The following LMNA variants were observed in gnomAD, a reference collection of about 807,000 sequenced individuals.
LMNA encodes lamin A/C, also known as lamin.
LMNA carries 20 observed loss-of-function variants against 70.4 expected under a neutral mutation model. The ratio of observed to expected loss-of-function variants is 0.28; its 90% CI spans 0.20 to 0.41. The LOEUF is 0.41. Ranked by LOEUF, LMNA falls within the 10% of genes least tolerant of loss-of-function variation. The pLI is 1.00. For missense variants in LMNA, 652 were observed against 917.2 expected (o/e 0.71, Z 3.73); for synonymous variants, 339 against 372.8 (o/e 0.91, Z 1.04).
At position 156,134,685 on chromosome 1, in the gene LMNA, A is replaced by G; in HGVS notation, c.640-120A>G. 3 of 1,547,568 alleles carry G rather than the reference A, an allele frequency of 1.9e-6. No individual in the cohort carries two copies. Among genetic ancestry groups the G allele is most frequent in the East Asian group, 2.2e-5 (1 of 44,532 alleles). ...GTGGCCAGCACTCAGCTCCCAGGTT[A>G]AAGTGGGGCTGGTAGTGGCTCATGG... On this transcript the variant is annotated intron_variant, in intron 3 of 11. Transcript: ENST00000368300. This position sits in a 1 kb window ranked among gnomAD's most constrained non-coding sequence, Gnocchi z 5.3.
At chr1:156,108,280 G>A (rs1258610229) in intron 3 of LMNA, among the ~76,000 whole-genome samples, 1 of 152,090 alleles carries the variant, frequency 6.6e-6, no homozygotes, top group Non-Finnish European at 1.5e-5. Context: ...TTAATACCCT[G>A]TAGTCAAAGG....
At chr1:156,085,273 T>C (rs1159983243) in intron 2 of LMNA, among the ~76,000 whole-genome samples, 1 of 152,188 alleles carries the variant, frequency 6.6e-6, no homozygotes, top group East Asian at 1.9e-4. Flanking sequence ...AGGAGCTGGA[T>C]TCTCAGAGTG....
At chr1:156,118,860 G>A (rs1650008842) in intron 1 of LMNA, among the ~76,000 whole-genome samples, 1 of 152,152 alleles carries the variant, frequency 6.6e-6, no homozygotes, top group Non-Finnish European at 1.5e-5. Flanking sequence ...CCCAGCCTGG[G>A]TACCTCAACC....
intron 3 of LMNA, among the ~76,000 whole-genome samples, chr1:156,092,958 G>A (rs1648766607): frequency 6.7e-6 from 1 of 148,870 alleles, no homozygotes; most frequent in South Asian, 2.1e-4. Context: ...GTGCGATCTC[G>A]GCTCACTGCA....
intron 2 of LMNA, among the ~76,000 whole-genome samples, chr1:156,089,347 A>G (rs1001409618): frequency 1.3e-5 from 2 of 151,654 alleles, no homozygotes; most frequent in Non-Finnish European, 2.9e-5. Context: ...TCAGGCTGGA[A>G]TGCAGTGGTG....
At chr1:156,104,391 C>T (rs1190950172) in intron 3 of LMNA, among the ~76,000 whole-genome samples, 6 of 152,172 alleles carry the variant, frequency 3.9e-5, no homozygotes, top group South Asian at 2.1e-4. Flanking sequence ...GGAGCACTGG[C>T]GTCAGCCGAG....
At chr1:156,122,120 A>C (rs1650231654) in intron 1 of LMNA, among the ~76,000 whole-genome samples, 2 of 152,096 alleles carry the variant, frequency 1.3e-5, no homozygotes, top group Non-Finnish European at 2.9e-5. Flanking sequence ...AATAATACTA[A>C]TAATAAATAA....
chr1:156,118,586 T>G (rs1442930027), intron 1 of LMNA, among the ~76,000 whole-genome samples: 2 of 152,160 alleles, frequency 1.3e-5, no homozygotes, highest in Non-Finnish European at 2.9e-5. Context: ...GGACTCAGAC[T>G]GGGGTGTCTG....
At chr1:156,096,549 A>C (rs1364438144) in intron 3 of LMNA, among the ~76,000 whole-genome samples, 1 of 152,266 alleles carries the variant, frequency 6.6e-6, no homozygotes, top group African/African-American at 2.4e-5. Flanking sequence ...AGACCGGGTT[A>C]GGTGCCGGGT....
intron 1 of LMNA, among the ~76,000 whole-genome samples, chr1:156,118,103 C>A (rs965453142): frequency 6.6e-6 from 1 of 151,256 alleles, no homozygotes; most frequent in Non-Finnish European, 1.5e-5. Flanking sequence ...GGATTACAGG[C>A]ATAAGCCACC....
At position 156,139,303 on chromosome 1, in the gene LMNA, C is replaced by CAAA. The variant is rs200317083; in HGVS notation, c.*209_*211dup. The CAAA allele has an allele frequency of 3.1e-6, 4 of 1,272,114 alleles. No homozygotes were observed. Among genetic ancestry groups the CAAA allele is most frequent in the African/African-American group, 3.3e-5 (2 of 60,720 alleles). 78.8% of individuals were successfully genotyped at this position (1,272,114 alleles called of 1,614,324 possible). A position where few individuals can be genotyped will look rare whatever the true frequency, so the allele number is the denominator to read the frequency against. On this transcript the variant is annotated 3_prime_UTR_variant, in exon 12 of 12. Transcript: ENST00000368300. Reference sequence around the variant, plus strand: ...TTTTATACTGAAGGAAAAACACAAGCAAAAAAAAAAAAAAGCATCTATCTC... The same window carrying CAAA: ...TTTTATACTGAAGGAAAAACACAAGCAAAAAAAAAAAAAAAAAGCATCTATCTC...
intron 2 of LMNA, among the ~76,000 whole-genome samples, chr1:156,131,139 C>T (rs1042638253): frequency 2.0e-5 from 3 of 152,060 alleles, no homozygotes; most frequent in Non-Finnish European, 4.4e-5. Flanking sequence ...GGCATGGTGG[C>T]GGGCGCCTGT....
upstream of LMNA, among the ~76,000 whole-genome samples, chr1:156,109,985 C>G (rs1468374052): frequency 6.6e-6 from 1 of 151,938 alleles, no homozygotes; most frequent in Non-Finnish European, 1.5e-5. Flanking sequence ...GTAGCTGGGA[C>G]TAGAGGCATG....
At position 156,137,905 on chromosome 1, in the gene LMNA, C is replaced by G; in HGVS notation, c.1698+162C>G. On this transcript the variant is annotated intron_variant, in intron 10 of 11. Coordinates refer to ENST00000368300, the MANE Select transcript of LMNA (RefSeq NM_170707.4). The surrounding 1 kb of genome is among the most constrained non-coding windows in gnomAD (Gnocchi z 4.6). ...CCTTTCTTCTCTCTCCTCCCTATAC[C>G]TTGAACAGGGAACCCAGGTGTCTGG... 2.8e-6 allele frequency: 4 copies of G among 1,438,408 alleles called. No individual in the cohort carries two copies. The highest frequency in any genetic ancestry group is 2.5e-5 in the East Asian group (1 of 40,224). The allele number at this position is 1,438,408 out of a possible 1,614,324, so 89.1% of individuals were successfully genotyped here.
At chr1:156,122,410 T>C (rs954689073) in intron 1 of LMNA, among the ~76,000 whole-genome samples, 2 of 152,188 alleles carry the variant, frequency 1.3e-5, no homozygotes, top group Non-Finnish European at 2.9e-5. Context: ...TAAAATCAAA[T>C]ATAAATAATG....
At chr1:156,114,227 G>T (rs1422044389), upstream of LMNA, among the ~76,000 whole-genome samples, 1 of 152,194 alleles carries the variant, frequency 6.6e-6, no homozygotes, top group Non-Finnish European at 1.5e-5. Flanking sequence ...GTGGAGGGGG[G>T]TTGGGGTGAC....
At chr1:156,112,921 C>A (rs796104271), upstream of LMNA, among the ~76,000 whole-genome samples, 1 of 152,106 alleles carries the variant, frequency 6.6e-6, no homozygotes, top group Non-Finnish European at 1.5e-5. Context: ...GGTTGCTCAT[C>A]GGAGGATAAG....
Position 156,103,928 on chromosome 1 carries a change from G to A in LMNA, c.-206-10785G>A, listed in dbSNP as rs989955970. On this transcript the variant is annotated intron_variant, in intron 3 of 12. Transcript: ENST00000368301. This position sits in a 1 kb window ranked among gnomAD's most constrained non-coding sequence, Gnocchi z 4.7. The stretch of plus-strand genomic sequence containing the variant: ...AGTGGAGTCACTCCTTTCCTTCCCC[G>A]AACCCGGCCTCAGTTCCTGGGACAT... Among the ~76,000 whole-genome samples, 13 of 152,058 alleles carry A rather than the reference G, an allele frequency of 8.5e-5. No individual in the cohort carries two copies. The highest frequency in any genetic ancestry group is 2.6e-4 in the Admixed American group (4 of 15,282).
Position 156,137,152 on chromosome 1 carries a change from A to G in LMNA, c.1528A>G (p.Thr510Ala). 1 of 1,613,058 alleles carries G rather than the reference A, an allele frequency of 6.2e-7. No individual in the cohort carries two copies. The highest frequency in any genetic ancestry group is 1.6e-4 in the Middle Eastern group (1 of 6,062). Residue 510 changes from threonine (T) to alanine (A), a missense_variant, in exon 9 of 12, where the codon ACC becomes GCC. Around this residue, in one of 4 missense-constraint regions of LMNA, gnomAD observed 327 missense variants for 387.6 expected, o/e 0.84. Transcript: ENST00000368300. The surrounding 1 kb of genome is among the most constrained non-coding windows in gnomAD (Gnocchi z 4.6). ...AGAGATHSPP[T>A]DLVWKAQNTW... ...AGCTGGGGCCACCCACAGCCCCCCT[A>G]CCGACCTGGTGTGGAAGGCACAGAA...
Sources: gnomAD v4.1 joint callset for allele counts (sites outside exome capture counted in the v4.1 genomes callset) on GRCh38, gnomAD v4.1.1 for gene constraint, gnomAD v4.1.1 regional missense constraint, Gnocchi (gnomAD v3.1) non-coding constraint, MANE v1.5 for transcripts, NCBI Gene and HGNC (gene_info 2026-07-23, HGNC 2026-07-21) for gene names.